KCNQ5: variants seen among roughly 807,000 people sequenced by gnomAD.
KCNQ5 encodes potassium voltage-gated channel subfamily Q member 5, also known as potassium voltage-gated channel subfamily KQT member 5.
In KCNQ5, 30 loss-of-function variants were observed where a neutral mutation model predicts 98.2. The ratio of observed to expected loss-of-function variants is 0.31; its 90% CI spans 0.23 to 0.41. KCNQ5 has a LOEUF of 0.41. KCNQ5 is among the 10% of genes least tolerant of loss of function. The pLI is 1.00. For missense variants in KCNQ5, 835 were observed against 1,182.5 expected (o/e 0.71, Z 4.31); for synonymous variants, 458 against 449.4 (o/e 1.02, Z -0.24).
At chr6:73,042,988 C>T (rs1771782116) in intron 3 of KCNQ5, 1 of 178,872 alleles carries the variant, frequency 5.6e-6, no homozygotes, top group Admixed American at 6.2e-5. Context: ...CTATTTTCAA[C>T]CTGAAAAAGT....
intron 1 of KCNQ5, among the ~76,000 whole-genome samples, chr6:72,721,121 T>C (rs562973581): frequency 6.6e-6 from 1 of 152,308 alleles, no homozygotes; most frequent in Non-Finnish European, 1.5e-5. Flanking sequence ...AGCTTTCTGA[T>C]CTGTAAAAAC....
At chr6:73,010,151 C>T (rs1380985771) in intron 2 of KCNQ5, among the ~76,000 whole-genome samples, 1 of 152,062 alleles carries the variant, frequency 6.6e-6, no homozygotes, top group Non-Finnish European at 1.5e-5. Flanking sequence ...GAGGATTATA[C>T]ACCTTGGTCA....
chr6:72,952,314 A>G (rs550500198), intron 1 of KCNQ5, among the ~76,000 whole-genome samples: 1 of 152,328 alleles, frequency 6.6e-6, no homozygotes, highest in Admixed American at 6.5e-5. Context: ...CAACTTTTCC[A>G]TTCTACTTGG....
chr6:72,753,002 A>G (rs1323121356), intron 1 of KCNQ5, among the ~76,000 whole-genome samples: 2 of 152,096 alleles, frequency 1.3e-5, no homozygotes, highest in Non-Finnish European at 2.9e-5. Context: ...TAATAATTAA[A>G]ATGTAAGGCA....
intron 1 of KCNQ5, among the ~76,000 whole-genome samples, chr6:72,625,587 G>A (rs2098917669): frequency 6.6e-6 from 1 of 152,270 alleles, no homozygotes; most frequent in East Asian, 1.9e-4. Context: ...AGCAAATGTG[G>A]TTCTGAGAAG....
chr6:72,813,926 T>C (rs980920991), intron 1 of KCNQ5, among the ~76,000 whole-genome samples: 1 of 152,198 alleles, frequency 6.6e-6, no homozygotes, highest in African/African-American at 2.4e-5. Context: ...TTGTACTCCT[T>C]GGATCAGGCA....
chr6:73,168,849 C>A (rs555842124), intron 10 of KCNQ5, among the ~76,000 whole-genome samples: 3 of 152,102 alleles, frequency 2.0e-5, no homozygotes, highest in East Asian at 1.9e-4. Flanking sequence ...ACAATAAAAT[C>A]ATTCTTAATT....
chr6:72,738,498 G>A (rs1258704975), intron 1 of KCNQ5, among the ~76,000 whole-genome samples: 1 of 151,896 alleles, frequency 6.6e-6, no homozygotes, highest in Non-Finnish European at 1.5e-5. Context: ...CGAATAAACT[G>A]GTAAGACTTT....
chr6:72,777,381 A>G (rs1773211831), intron 1 of KCNQ5, among the ~76,000 whole-genome samples: 1 of 152,134 alleles, frequency 6.6e-6, no homozygotes, highest in East Asian at 1.9e-4. Flanking sequence ...TATTTAAGAA[A>G]AATGATTTGC....
intron 1 of KCNQ5, among the ~76,000 whole-genome samples, chr6:72,689,418 G>A (rs899510943): frequency 6.6e-6 from 1 of 152,236 alleles, no homozygotes; most frequent in African/African-American, 2.4e-5. Flanking sequence ...ATTTGTCCAA[G>A]GGGGACTAGA....
In KCNQ5 at chr6:72,830,809, A is replaced by G. The variant is rs551217223; in HGVS notation, c.399-173099A>G. On this transcript the variant is annotated intron_variant, in intron 1 of 13. Coordinates refer to ENST00000370398, the MANE Select transcript of KCNQ5 (RefSeq NM_019842.4). ...AGAGTGAACAGGCAACCTACAGAAT[A>G]GGAGAAAATTTTTGCAATCTACTCA... Among the ~76,000 whole-genome samples, 327 of 152,228 alleles carry G rather than the reference A, an allele frequency of 2.1e-3. 2 individuals carry two copies. The highest frequency in any genetic ancestry group is 2.4e-3 in the Non-Finnish European group (166 of 68,004).
chr6:72,632,919 A>T (rs187215461), intron 1 of KCNQ5, among the ~76,000 whole-genome samples: 1 of 151,820 alleles, frequency 6.6e-6, no homozygotes, highest in Non-Finnish European at 1.5e-5. Context: ...TTTTGGTATG[A>T]TGATCTATTT....
chr6:73,043,166 C>T, intron 3 of KCNQ5: 1 of 451,180 alleles, frequency 2.2e-6, no homozygotes, highest in Non-Finnish European at 4.6e-6. Flanking sequence ...GTATCACCAT[C>T]CATGGGCACT....
At chr6:73,003,177 C>T (rs1351380880) in intron 1 of KCNQ5, among the ~76,000 whole-genome samples, 1 of 152,024 alleles carries the variant, frequency 6.6e-6, no homozygotes, top group East Asian at 1.9e-4. Flanking sequence ...CTAGAAGTTA[C>T]ACATTTGTAG....
chr6:73,036,747 G>A (rs1028641310), intron 2 of KCNQ5, among the ~76,000 whole-genome samples: 5 of 152,072 alleles, frequency 3.3e-5, no homozygotes, highest in Non-Finnish European at 7.4e-5. Flanking sequence ...CCATCCTCAT[G>A]GTGAAGGACA....
chr6:72,949,619 T>G (rs549339388), intron 1 of KCNQ5, among the ~76,000 whole-genome samples: 2 of 152,250 alleles, frequency 1.3e-5, no homozygotes, highest in Non-Finnish European at 2.9e-5. Context: ...CATTTTTACA[T>G]GTACTTCAAG....
chr6:72,926,028 G>T (rs1424496180), intron 1 of KCNQ5, among the ~76,000 whole-genome samples: 1 of 152,154 alleles, frequency 6.6e-6, no homozygotes. Context: ...AAGAATGAGA[G>T]AAAAATAGCA....
At chr6:72,916,864 G>A (rs1780167967) in intron 1 of KCNQ5, among the ~76,000 whole-genome samples, 1 of 152,174 alleles carries the variant, frequency 6.6e-6, no homozygotes, top group East Asian at 1.9e-4. Context: ...GGAGCCTCAA[G>A]TGTTGGAAGT....
intron 1 of KCNQ5, among the ~76,000 whole-genome samples, chr6:72,858,308 C>T (rs2150150086): frequency 6.6e-6 from 1 of 152,108 alleles, no homozygotes; most frequent in Admixed American, 6.5e-5. Context: ...TCTCTACATC[C>T]ATAGAAATTT....
Sources: gnomAD v4.1 joint callset for allele counts (sites outside exome capture counted in the v4.1 genomes callset) on GRCh38, gnomAD v4.1.1 for gene constraint, MANE v1.5 for transcripts, NCBI Gene and HGNC (gene_info 2026-07-23, HGNC 2026-07-21) for gene names.